Variants in GSG1L observed in about 807,000 individuals in gnomAD.
GSG1L encodes GSG1 like.
Under a neutral mutation model 42.1 loss-of-function variants are expected in GSG1L, and 24 were observed. That is an observed-to-expected ratio of 0.57 (90% confidence interval 0.41 to 0.80). GSG1L has a LOEUF of 0.80. Ranked by LOEUF, GSG1L falls within the 30% of genes least tolerant of loss-of-function variation. The probability of loss-of-function intolerance (pLI) is 0.00; values close to 1 mark genes in which losing one functional copy is unlikely to be tolerated. For synonymous variants in GSG1L, 215 were observed against 203.5 expected (o/e 1.06, Z -0.48); for missense variants, 445 against 472.2 (o/e 0.94, Z 0.53).
intron 3 of GSG1L, among the ~76,000 whole-genome samples, chr16:27,875,160 G>T (rs1477043274): frequency 6.6e-6 from 1 of 152,188 alleles, no homozygotes; most frequent in Non-Finnish European, 1.5e-5. Context: ...TCAAAGACTT[G>T]CTTTCTTCGG....
chr16:27,821,908 G>GTAAATAAATAAA (rs10544246), intron 5 of GSG1L, among the ~76,000 whole-genome samples: 197 of 150,086 alleles, frequency 1.3e-3, no homozygotes, highest in African/African-American at 4.8e-3. Flanking sequence ...TCTCAAAAAA[G>GTAAATAAATAAA]TAAATAAATA....
intron 5 of GSG1L, among the ~76,000 whole-genome samples, chr16:27,814,487 C>G (rs1263719970): frequency 1.3e-5 from 2 of 152,112 alleles, no homozygotes; most frequent in African/African-American, 4.8e-5. Flanking sequence ...GGGTCTAGCA[C>G]AGTGTGTGGC....
rs533951064 is a variant in GSG1L, at chr16:27,882,300, A to G, written c.550+2186T>C. Among the ~76,000 whole-genome samples, 3 of 152,062 alleles carry G rather than the reference A, an allele frequency of 2.0e-5. No homozygotes were observed. The East Asian group carries it at 5.8e-4, about 29-fold the overall frequency. The stretch of plus-strand genomic sequence containing the variant: ...CCATGTGGATCTGTGAGTCCATTAA[A>G]CTTCTCTCTTTATAAATTACCCAGT... On this transcript the variant is annotated intron_variant, in intron 3 of 6. Transcript: ENST00000447459.
intron 1 of GSG1L, among the ~76,000 whole-genome samples, chr16:27,995,325 C>G (rs370571737): frequency 6.6e-6 from 1 of 152,088 alleles, no homozygotes; most frequent in African/African-American, 2.4e-5. Context: ...ATACAGCTCA[C>G]CAAGGAAGAA....
intron 1 of GSG1L, among the ~76,000 whole-genome samples, chr16:28,055,367 A>G (rs2086268041): frequency 1.3e-5 from 2 of 152,002 alleles, no homozygotes; most frequent in African/African-American, 2.4e-5. Flanking sequence ...TATGTTGCCC[A>G]GGCTTGTCTT....
intron 6 of GSG1L, among the ~76,000 whole-genome samples, chr16:27,803,786 T>TATATAG (rs1567460366): frequency 5.7e-4 from 47 of 82,282 alleles, no homozygotes; most frequent in African/African-American, 2.4e-3. Context: ...TATATATATA[T>TATATAG]ATATATATAG....
chr16:27,892,437 C>G (rs953868654), intron 2 of GSG1L, among the ~76,000 whole-genome samples: 5 of 151,926 alleles, frequency 3.3e-5, no homozygotes, highest in Non-Finnish European at 7.4e-5. Context: ...GCCTGGACAA[C>G]AGAAGCGAGA....
At chr16:28,003,573 A>C (rs569391182) in intron 1 of GSG1L, among the ~76,000 whole-genome samples, 17 of 152,328 alleles carry the variant, frequency 1.1e-4, no homozygotes, top group African/African-American at 4.1e-4. Flanking sequence ...TGGCCGGGTA[A>C]ATCATGGCCT....
At chr16:27,994,694 A>G (rs958993146) in intron 1 of GSG1L, among the ~76,000 whole-genome samples, 2 of 152,214 alleles carry the variant, frequency 1.3e-5, no homozygotes, top group Non-Finnish European at 2.9e-5. Flanking sequence ...AATAAAAAAA[A>G]TCATAGTAGA....
At chr16:28,052,537 C>A (rs2086231911) in intron 1 of GSG1L, among the ~76,000 whole-genome samples, 1 of 152,096 alleles carries the variant, frequency 6.6e-6, no homozygotes, top group South Asian at 2.1e-4. Flanking sequence ...GCAGGATGGT[C>A]CGTGCCACTT....
At chr16:28,031,236 GGGATGGGGTGGGATA>G (rs2085959198) in intron 1 of GSG1L, among the ~76,000 whole-genome samples, 2 of 138,740 alleles carry the variant, frequency 1.4e-5, no homozygotes, top group African/African-American at 5.3e-5. Context: ...GGGATGGGAT[GGGATGGGGTGGGATA>G]AGATGGAATG....
At chr16:28,027,411 G>A (rs2085911465) in intron 1 of GSG1L, among the ~76,000 whole-genome samples, 1 of 152,158 alleles carries the variant, frequency 6.6e-6, no homozygotes, top group Non-Finnish European at 1.5e-5. Context: ...CAAGGCAGGT[G>A]GGGTTTCAGT....
chr16:27,851,972 G>A (rs1018636657), intron 3 of GSG1L, among the ~76,000 whole-genome samples: 17 of 152,196 alleles, frequency 1.1e-4, no homozygotes, highest in Non-Finnish European at 1.5e-4. Context: ...ATAGAGCAGC[G>A]GTGACAACCC....
chr16:27,997,310 T>A (rs1031342431), intron 1 of GSG1L, among the ~76,000 whole-genome samples: 1 of 51,056 alleles, frequency 2.0e-5, no homozygotes, highest in South Asian at 9.0e-4. Flanking sequence ...TGTTCTCCAC[T>A]TTTTTTTTTT....
intron 5 of GSG1L, among the ~76,000 whole-genome samples, chr16:27,821,754 A>G (rs1303476650): frequency 6.6e-6 from 1 of 151,860 alleles, no homozygotes; most frequent in Non-Finnish European, 1.5e-5. Flanking sequence ...TACAAAAAAA[A>G]TTAGCTGTGC....
intron 1 of GSG1L, among the ~76,000 whole-genome samples, chr16:27,975,861 C>T (rs756126849): frequency 1.3e-5 from 2 of 152,166 alleles, no homozygotes; most frequent in African/African-American, 4.8e-5. Context: ...GACACAGCAG[C>T]GAACCACACA....
At chr16:27,848,530 C>T (rs1262284450) in intron 3 of GSG1L, among the ~76,000 whole-genome samples, 1 of 152,174 alleles carries the variant, frequency 6.6e-6, no homozygotes, top group Non-Finnish European at 1.5e-5. Flanking sequence ...ACATGCCAGA[C>T]ACTATTCCAG....
At chr16:27,839,783 T>C (rs1170156324) in intron 4 of GSG1L, among the ~76,000 whole-genome samples, 4 of 152,256 alleles carry the variant, frequency 2.6e-5, no homozygotes, top group Non-Finnish European at 4.4e-5. Flanking sequence ...ATTTTAGATG[T>C]TAGAAATAAA....
At chr16:27,817,704 A>T (rs2083111913) in intron 5 of GSG1L, among the ~76,000 whole-genome samples, 1 of 152,228 alleles carries the variant, frequency 6.6e-6, no homozygotes, top group African/African-American at 2.4e-5. Flanking sequence ...TTCATAAAAA[A>T]TGAAAATGAA....
Sources: allele counts gnomAD v4.1 joint callset (sites outside exome capture counted in the v4.1 genomes callset), GRCh38; gene constraint gnomAD v4.1.1; transcripts MANE v1.5; gene names NCBI Gene and HGNC (gene_info 2026-07-23, HGNC 2026-07-21).